Variants in ZNG1A observed in about 807,000 individuals in gnomAD.
ZNG1A encodes the protein zinc-regulated GTPase metalloprotein activator 1A.
At chr9:151,351 A>G in the ZNG1A span, 2 of 980,354 alleles carry the variant, frequency 2.0e-6, no homozygotes, top group African/African-American at 1.8e-5. Flanking sequence ...TCCAGTAGAG[A>G]CTGAGTGGAA....
At chr9:140,665 C>T in the ZNG1A span, among the ~76,000 whole-genome samples, 13 of 152,036 alleles carry the variant, frequency 8.6e-5, no homozygotes, top group Admixed American at 7.2e-4. Flanking sequence ...CAGCTCCTCA[C>T]CAGCAACGGA....
At chr9:145,399 G>C in the ZNG1A span, among the ~76,000 whole-genome samples, 6 of 150,900 alleles carry the variant, frequency 4.0e-5, no homozygotes, top group Admixed American at 1.3e-4. Flanking sequence ...TCCTTTGTAG[G>C]GACATGGATG....
the ZNG1A span, among the ~76,000 whole-genome samples, chr9:125,152 A>G: frequency 6.6e-6 from 1 of 152,146 alleles, no homozygotes; most frequent in Non-Finnish European, 1.5e-5. Flanking sequence ...TAGTGGTTGT[A>G]CTAGTTTACA....
At chr9:150,116 G>GTTTTTTTTTTTTTTTTTTTTT in the ZNG1A span, 9 of 101,388 alleles carry the variant, frequency 8.9e-5, 4 homozygotes, top group African/African-American at 7.9e-5. Flanking sequence ...CAAATCTCCG[G>GTTTTTTTTTTTTTTTTTTTTT]TTTTGTTTTT....
chr9:155,172 T>C, the ZNG1A span, among the ~76,000 whole-genome samples: 1 of 151,488 alleles, frequency 6.6e-6, no homozygotes, highest in African/African-American at 2.4e-5. Context: ...AATTCAGATA[T>C]CCAATATGGT....
chr9:140,703 C>G, the ZNG1A span, among the ~76,000 whole-genome samples: 27 of 152,112 alleles, frequency 1.8e-4, no homozygotes, highest in South Asian at 4.6e-3. Context: ...ATGACTTTGA[C>G]GAGCTGAGAG....
the ZNG1A span, among the ~76,000 whole-genome samples, chr9:145,248 C>T: frequency 1.1e-4 from 17 of 151,544 alleles, no homozygotes; most frequent in African/African-American, 1.7e-4. Flanking sequence ...CACATGCACA[C>T]GTATATTTAT....
the ZNG1A span, among the ~76,000 whole-genome samples, chr9:175,285 G>A: frequency 6.6e-6 from 1 of 151,764 alleles, no homozygotes; most frequent in Non-Finnish European, 1.5e-5. Context: ...GGCTGAGGCA[G>A]GAGAATCACT....
the ZNG1A span, chr9:121,077 G>A: frequency 5.7e-6 from 1 of 176,364 alleles, no homozygotes; most frequent in Non-Finnish European, 1.2e-5. Flanking sequence ...GTCATAAAAT[G>A]GTGACACTTA....
chr9:141,464 T>G, the ZNG1A span, among the ~76,000 whole-genome samples: 4 of 149,576 alleles, frequency 2.7e-5, no homozygotes, highest in African/African-American at 9.9e-5. Flanking sequence ...GAAGGAGAAA[T>G]AAAATACTTT....
chr9:156,008 C>T, the ZNG1A span, among the ~76,000 whole-genome samples: 3 of 150,274 alleles, frequency 2.0e-5, no homozygotes, highest in Admixed American at 1.3e-4. Context: ...GGCATGGTGG[C>T]GGGTGCCTGT....
At chr9:146,850 T>A in the ZNG1A span, 1 of 150,228 alleles carries the variant, frequency 6.7e-6, no homozygotes, top group Non-Finnish European at 1.5e-5. Context: ...AGACTGGTGA[T>A]TGAGTTATAA....
chr9:140,406 GAC>G, the ZNG1A span, among the ~76,000 whole-genome samples: 1 of 151,274 alleles, frequency 6.6e-6, no homozygotes, highest in Non-Finnish European at 1.5e-5. Context: ...GAGGCAGGCT[GAC>G]ACCTCACACG....
chr9:126,720 C>G, the ZNG1A span, among the ~76,000 whole-genome samples: 2 of 151,880 alleles, frequency 1.3e-5, no homozygotes, highest in African/African-American at 4.8e-5. Context: ...TAATTCCGCT[C>G]TGATCTCCTT....
At chr9:135,159 T>C in the ZNG1A span, 205 of 1,514,394 alleles carry the variant, frequency 1.4e-4, 5 homozygotes, top group Middle Eastern at 4.9e-4. Flanking sequence ...TAATTGCAAT[T>C]TTACAAGTTG....
chr9:156,650 C>A, the ZNG1A span: 2 of 1,100,168 alleles, frequency 1.8e-6, no homozygotes, highest in Non-Finnish European at 2.6e-6. Context: ...TGTTCTCTTA[C>A]TGAATACATA....
chr9:155,001 T>C, the ZNG1A span, among the ~76,000 whole-genome samples: 3 of 152,216 alleles, frequency 2.0e-5, no homozygotes, highest in Non-Finnish European at 4.4e-5. Flanking sequence ...GGATGAATTG[T>C]GTTCATTACT....
chr9:173,707 G>A, the ZNG1A span, among the ~76,000 whole-genome samples: 1 of 152,020 alleles, frequency 6.6e-6, no homozygotes, highest in Non-Finnish European at 1.5e-5. Flanking sequence ...AAATAGACCA[G>A]TATGTTTTAT....
the ZNG1A span, chr9:159,974 G>A: frequency 2.5e-6 from 1 of 403,932 alleles, no homozygotes; most frequent in Admixed American, 2.9e-5. Flanking sequence ...TATAACAGAC[G>A]AACCAAGAAG....
Sources: allele counts gnomAD v4.1 joint callset (sites outside exome capture counted in the v4.1 genomes callset), GRCh38; gene constraint gnomAD v4.1.1; transcripts MANE v1.5; gene names NCBI Gene and HGNC (gene_info 2026-07-23, HGNC 2026-07-21).